The following ADGB variants were observed in gnomAD, a reference collection of about 807,000 sequenced individuals.
ADGB encodes androglobin, also known as calpain-7-like protein.
Under a neutral mutation model 210.5 loss-of-function variants are expected in ADGB, and 172 were observed. That is an observed-to-expected ratio of 0.82 (90% CI 0.72 to 0.93). ADGB has a LOEUF of 0.93. Ranked by LOEUF, ADGB falls within the 40% of genes least tolerant of loss-of-function variation. ADGB has a pLI of 0.00. For synonymous variants in ADGB, 658 were observed against 662.7 expected (o/e 0.99, Z 0.11); for missense variants, 2,025 against 1,964.8 (o/e 1.03, Z -0.58).
Position 146,685,842 on chromosome 6 carries a change from C to A in ADGB, c.1311+14C>A. On this transcript the variant is annotated intron_variant, in intron 10 of 35. Coordinates refer to ENST00000397944, the MANE Select transcript of ADGB (RefSeq NM_024694.4). ...TTAGAGAAGATGGTAAGCATTCAAGCTTAGGAAACAGTATTATTTATTTTG... is the reference window on the plus strand; with the variant it reads ...TTAGAGAAGATGGTAAGCATTCAAGATTAGGAAACAGTATTATTTATTTTG... 1 of 1,482,542 alleles carries A rather than the reference C, an allele frequency of 6.7e-7. No homozygotes were observed. Among genetic ancestry groups the A allele is most frequent in the Non-Finnish European group, 9.1e-7 (1 of 1,095,298 alleles). The allele number at this position is 1,482,542 out of a possible 1,614,324, so 91.8% of individuals were successfully genotyped here.
At chr6:146,641,414 G>T (rs946334591) in intron 2 of ADGB, among the ~76,000 whole-genome samples, 15 of 150,882 alleles carry the variant, frequency 9.9e-5, no homozygotes, top group African/African-American at 3.7e-4. Context: ...ACTTCATGTG[G>T]AACCAAAAAA....
chr6:146,700,052 C>T (rs1776468586), intron 12 of ADGB, among the ~76,000 whole-genome samples: 1 of 152,202 alleles, frequency 6.6e-6, no homozygotes, highest in South Asian at 2.1e-4. Flanking sequence ...AGAGCCAAAT[C>T]AGAGATATGT....
Position 146,637,900 on chromosome 6 carries a change from C to T in ADGB, c.237+2363C>T, listed in dbSNP as rs560349596. Among the ~76,000 whole-genome samples the T allele has an allele frequency of 4.6e-5, 7 of 152,100 alleles. No homozygotes were observed. The South Asian group carries it at 1.5e-3, about 32-fold the overall frequency. ...CCAACTCATTCCATGAGAACATCAT[C>T]ATCCTGATAGCAAAGCATGACAGAG... is the stretch of plus-strand genomic sequence containing the variant. On this transcript the variant is annotated intron_variant, in intron 2 of 35. Transcript: ENST00000397944.
intron 16 of ADGB, among the ~76,000 whole-genome samples, chr6:146,718,388 G>A (rs1776766713): frequency 7.1e-6 from 1 of 140,336 alleles, no homozygotes; most frequent in South Asian, 2.5e-4. Context: ...CATGTCCTCT[G>A]TATGCTCTAT....
At chr6:146,674,650 T>A (rs1776062321) in intron 8 of ADGB, among the ~76,000 whole-genome samples, 1 of 152,144 alleles carries the variant, frequency 6.6e-6, no homozygotes, top group Non-Finnish European at 1.5e-5. Flanking sequence ...AGGTGGAAGA[T>A]GTAGATTCTC....
chr6:146,813,828 T>G (rs921813439), intron 35 of ADGB, among the ~76,000 whole-genome samples: 10 of 152,186 alleles, frequency 6.6e-5, no homozygotes, highest in African/African-American at 2.2e-4. Flanking sequence ...CCTCCCTAAC[T>G]CAGACAGCTT....
intron 13 of ADGB, among the ~76,000 whole-genome samples, chr6:146,708,109 C>T (rs1776602654): frequency 1.3e-5 from 2 of 152,008 alleles, no homozygotes; most frequent in East Asian, 1.9e-4. Context: ...CTCTGTCTCT[C>T]TTATGGTTTA....
Position 146,635,527 on chromosome 6 carries a change from G to T in ADGB, c.227G>T (p.Ser76Ile). 6.5e-7 allele frequency: 1 copy of T among 1,535,224 alleles called. No homozygotes were observed. Among genetic ancestry groups the T allele is most frequent in the Non-Finnish European group, 8.8e-7 (1 of 1,140,104 alleles). The change falls in exon 2 of 36, where the codon AGC becomes ATC. Residue 76 changes from serine to isoleucine, a missense_variant. By Grantham distance (142) the Ser-to-Ile change is moderately radical. Transcript: ENST00000397944. ...AAAGAAAAGGACAAAACAGGAAAAAGCCCTGTATTTGTAAGTAGATGTAAA... is the reference window on the plus strand; with the variant it reads ...AAAGAAAAGGACAAAACAGGAAAAATCCCTGTATTTGTAAGTAGATGTAAA... ...GAKEKDKTGK[S>I]PVFHFFEDPE...
intron 33 of ADGB, among the ~76,000 whole-genome samples, chr6:146,793,013 C>T (rs1473335925): frequency 1.3e-5 from 2 of 152,042 alleles, no homozygotes; most frequent in Non-Finnish European, 2.9e-5. Flanking sequence ...AGCAAAAGAA[C>T]AAAGCTTCCA....
intron 7 of ADGB, among the ~76,000 whole-genome samples, chr6:146,667,617 A>T (rs1775953872): frequency 6.6e-6 from 1 of 152,056 alleles, no homozygotes; most frequent in East Asian, 1.9e-4. Context: ...TAAATATCCG[A>T]TGTACAAATA....
chr6:146,801,215 T>A lies in ADGB; in HGVS notation c.4570T>A (p.Leu1524Met). The change falls in exon 34 of 36, where the codon TTG becomes ATG. Residue 1524 changes from leucine (L) to methionine (M), a missense_variant. Coordinates refer to ENST00000397944, the MANE Select transcript of ADGB (RefSeq NM_024694.4). ...TGPRTRSPTI[L>M]ETSPRLIRKA... ...ACCTCGTACACGATCTCCAACAATT[T>A]TGGAAACATCTCCACGACTTATTCG... The A allele has an allele frequency of 6.6e-7, 1 of 1,509,132 alleles. No homozygotes were observed. Among genetic ancestry groups the A allele is most frequent in the Non-Finnish European group, 8.9e-7 (1 of 1,127,490 alleles). The allele number at this position is 1,509,132 out of a possible 1,614,324, so 93.5% of individuals were successfully genotyped here.
chr6:146,657,898 T>G (rs1256227958), intron 5 of ADGB, among the ~76,000 whole-genome samples: 1 of 152,142 alleles, frequency 6.6e-6, no homozygotes, highest in Non-Finnish European at 1.5e-5. Context: ...CAAAACCCCT[T>G]ATAAATATGG....
chr6:146,758,116 A>G (rs1019004693), intron 27 of ADGB, among the ~76,000 whole-genome samples: 2 of 152,004 alleles, frequency 1.3e-5, no homozygotes, highest in African/African-American at 4.8e-5. Context: ...TGTTTTCAGC[A>G]CTTAGGCTGC....
chr6:146,775,498 A>G (rs1172219361), intron 29 of ADGB, among the ~76,000 whole-genome samples: 2 of 152,172 alleles, frequency 1.3e-5, no homozygotes, highest in African/African-American at 4.8e-5. Context: ...CCTTGAGCAG[A>G]TAGTACTTAG....
chr6:146,681,865 T>C (rs1354143695), intron 9 of ADGB, among the ~76,000 whole-genome samples: 1 of 152,074 alleles, frequency 6.6e-6, no homozygotes, highest in Non-Finnish European at 1.5e-5. Context: ...AATAAAAAAT[T>C]GCCAGAAAGA....
chr6:146,728,714 TAA>T lies in ADGB; in HGVS notation c.2495_2496del (p.Lys832ArgfsTer60). The T allele has an allele frequency of 6.4e-7, 1 of 1,550,754 alleles. No homozygotes were observed. Among genetic ancestry groups the T allele is most frequent in the Non-Finnish European group, 8.7e-7 (1 of 1,146,366 alleles). On this transcript the variant is annotated frameshift_variant, in exon 20 of 36. Transcript: ENST00000397944. LOFTEE classifies it high-confidence loss of function. The stretch of plus-strand genomic sequence containing the variant: ...CTCACTACCCTGTCCCCTTCCATGA[TAA>T]AGAACTAACTGCACAGCACTTCAGG... ...TAHYPVPFHD[K>X]ELTAQHFRVF...
rs1455863468 is a variant in ADGB at position 146,691,130 on chromosome 6, G to A, written c.1326G>A (p.Glu442=). ...FSLEKMADSA[E]KLREYGLSHI... ...CCATCTTCTAGGCAGATTCTGCTGA[G>A]AAACTTAGAGAATATGGGCTTTCCC... Residue 442 remains glutamate (E), a synonymous_variant, in exon 11 of 36, where the codon GAG becomes GAA. Coordinates refer to ENST00000397944, the MANE Select transcript of ADGB (RefSeq NM_024694.4). 6.5e-7 allele frequency: 1 copy of A among 1,529,782 alleles called. No individual in the cohort carries two copies. The highest frequency in any genetic ancestry group is 2.2e-5 in the Admixed American group (1 of 46,302). The allele number at this position is 1,529,782 out of a possible 1,614,324, so 94.8% of individuals were successfully genotyped here. A position where few individuals can be genotyped will look rare whatever the true frequency, so the allele number is the denominator to read the frequency against.
rs1190660741 is a variant in ADGB at position 146,763,609 on chromosome 6, GTTAGC to G, written c.3551-287_3551-283del. 2.6e-4 allele frequency among the ~76,000 whole-genome samples: 39 copies of G among 152,208 alleles called. No individual in the cohort carries two copies. In the East Asian group the frequency reaches 5.8e-3, roughly 23 times the overall value. On this transcript the variant is annotated intron_variant, in intron 27 of 35. Coordinates refer to ENST00000397944, the MANE Select transcript of ADGB (RefSeq NM_024694.4). ...TAAACACAGAAAATCAGTGTCTGGCGTTAGCTTAGGGTCATTCAAGTGGCACAAAA... is the reference window on the plus strand; with the variant it reads ...TAAACACAGAAAATCAGTGTCTGGCGTTAGGGTCATTCAAGTGGCACAAAA...
At chr6:146,717,209 C>G in intron 15 of ADGB, 140 bp downstream of exon 15, 1 of 658,032 alleles carries the variant, frequency 1.5e-6, no homozygotes, top group Admixed American at 3.5e-5. Flanking sequence ...TAGCATCATC[C>G]AAAATAAGCC....
Sources: allele counts gnomAD v4.1 joint callset (sites outside exome capture counted in the v4.1 genomes callset), GRCh38; gene constraint gnomAD v4.1.1; transcripts MANE v1.5; gene names NCBI Gene and HGNC (gene_info 2026-07-23, HGNC 2026-07-21).